MASP1: variants seen among roughly 807,000 people sequenced by gnomAD.
MASP1 encodes MBL associated serine protease 1, also known as mannan-binding lectin serine protease 1.
Under a neutral mutation model 77.1 loss-of-function variants are expected in MASP1, and 59 were observed. The observed-to-expected ratio is 0.77, with a 90% confidence interval of 0.62 to 0.95. The LOEUF is 0.95. Ranked by LOEUF, MASP1 falls within the 40% of genes least tolerant of loss-of-function variation. MASP1 has a pLI of 0.00. For missense variants in MASP1, 885 were observed against 912.9 expected (o/e 0.97, Z 0.39); for synonymous variants, 362 against 354.5 (o/e 1.02, Z -0.24).
exon 16 of MASP1, chr3:187,220,027 A>G: frequency 5.6e-6 from 9 of 1,601,560 alleles, no homozygotes; most frequent in Non-Finnish European, 7.7e-6. Flanking sequence ...GTCCTCTGCT[A>G]CTGACTGCCC....
At chr3:187,224,148 T>G (rs989287420) in intron 13 of MASP1, among the ~76,000 whole-genome samples, 4 of 152,130 alleles carry the variant, frequency 2.6e-5, no homozygotes, top group Admixed American at 2.6e-4. Context: ...GAAATTAGAA[T>G]GAAAAGGAAG....
intron 5 of MASP1, 22 bp downstream of exon 5, chr3:187,256,642 C>G (rs775810792): frequency 2.3e-5 from 37 of 1,612,890 alleles, no homozygotes; most frequent in Non-Finnish European, 3.1e-5. Flanking sequence ...ATCTCCAGGA[C>G]AAGTGTTCAT....
chr3:187,286,603 C>T (rs534753955), intron 1 of MASP1, among the ~76,000 whole-genome samples: 17 of 152,320 alleles, frequency 1.1e-4, no homozygotes, highest in Admixed American at 2.6e-4. Context: ...GGATCAAAAA[C>T]CTACAACTTA....
chr3:187,276,978 G>C (rs1579574153), intron 2 of MASP1, among the ~76,000 whole-genome samples: 2 of 152,152 alleles, frequency 1.3e-5, no homozygotes, highest in East Asian at 3.9e-4. Flanking sequence ...TTAGGGGTCA[G>C]AAGAGTCCCA....
At chr3:187,230,895 C>T (rs1361650522), downstream of MASP1, among the ~76,000 whole-genome samples, 1 of 152,226 alleles carries the variant, frequency 6.6e-6, no homozygotes, top group African/African-American at 2.4e-5. Flanking sequence ...AATTATGTGG[C>T]TTCCCAGAAC....
chr3:187,241,674 T>A, intron 9 of MASP1, 119 bp from the exon 10 acceptor site: 1 of 721,646 alleles, frequency 1.4e-6, no homozygotes, highest in Non-Finnish European at 2.6e-6. Flanking sequence ...CTCCAAATGG[T>A]CATCTAGGCT....
chr3:187,259,779 A>C (rs904363121), intron 4 of MASP1, among the ~76,000 whole-genome samples: 5 of 152,170 alleles, frequency 3.3e-5, no homozygotes, highest in Admixed American at 3.3e-4. Context: ...TTGAAGGAGG[A>C]AGAAAAAAAC....
intron 7 of MASP1, 68 bp downstream of exon 7, chr3:187,251,566 T>C (rs1160611879): frequency 7.8e-7 from 1 of 1,279,798 alleles, no homozygotes; most frequent in Non-Finnish European, 1.1e-6. Flanking sequence ...CCATCTGCCC[T>C]GGGGAGGGGC....
In MASP1 at chr3:187,281,035, C is replaced by A. The variant is rs72549271; in HGVS notation, c.237+4790G>T. Among the ~76,000 whole-genome samples, 199 of 152,340 alleles carry A rather than the reference C, an allele frequency of 1.3e-3. 1 individual carries two copies. Among genetic ancestry groups the A allele is most frequent in the Middle Eastern group, 0.01 (3 of 294 alleles). ...AATGAGTATAGAATGACACCCAGGA[C>A]CCAGGCTGCCTGACTCCCTGACTAG... is the stretch of plus-strand genomic sequence containing the variant. On this transcript the variant is annotated intron_variant, in intron 2 of 10. Transcript: ENST00000296280.
chr3:187,222,019 G>A (rs1221481899), intron 14 of MASP1, among the ~76,000 whole-genome samples: 3 of 152,190 alleles, frequency 2.0e-5, no homozygotes. Context: ...CCCTTGCTGG[G>A]AGGAAACCAG....
intron 15 of MASP1, among the ~76,000 whole-genome samples, chr3:187,220,679 G>C (rs1712005619): frequency 6.6e-6 from 1 of 151,698 alleles, no homozygotes. Context: ...TGTATTTTTA[G>C]TAAAGATGGG....
chr3:187,241,545 G>A lies in MASP1; in HGVS notation c.1239C>T (p.Thr413=), dbSNP rs775693487. The change falls in exon 10 of 11, where the codon ACC becomes ACT. Residue 413 remains threonine, a synonymous_variant. Transcript: ENST00000296280. Reference sequence around the variant, plus strand: ...TCATCCAGACTCCTTGGGCAGAACAGGTATATATACCTGGATTAGTGAAAG... The same window carrying A: ...TCATCCAGACTCCTTGGGCAGAACAAGTATATATACCTGGATTAGTGAAAG... ...KMLNNNTGIY[T]CSAQGVWMNK... 1 of 1,612,656 alleles carries A rather than the reference G, an allele frequency of 6.2e-7. No individual in the cohort carries two copies. The highest frequency in any genetic ancestry group is 1.1e-5 in the South Asian group (1 of 91,022).
chr3:187,259,756 CAAATAGCAGGTTTTGAAGGAGGAAG>C (rs1715398817), intron 4 of MASP1, among the ~76,000 whole-genome samples: 1 of 152,162 alleles, frequency 6.6e-6, no homozygotes, highest in Admixed American at 6.5e-5. Flanking sequence ...TATTCAGAAG[CAAATAGCAGGTTTTGAAGGAGGAAG>C]AAAAAAACTT....
chr3:187,272,627 C>T (rs1716616397), intron 2 of MASP1, among the ~76,000 whole-genome samples: 1 of 152,054 alleles, frequency 6.6e-6, no homozygotes, highest in South Asian at 2.1e-4. Flanking sequence ...AAGACAGAGG[C>T]AGAGATTAGA....
chr3:187,246,376 T>G, intron 8 of MASP1: 1 of 985,448 alleles, frequency 1.0e-6, no homozygotes, highest in Non-Finnish European at 1.2e-6. Flanking sequence ...TAAAGACATT[T>G]ATTCAACTGA....
At chr3:187,242,962 G>A (rs531275927) in intron 9 of MASP1, 8 of 196,948 alleles carry the variant, frequency 4.1e-5, no homozygotes, top group South Asian at 2.0e-4. Flanking sequence ...ACCCCTGTCC[G>A]TACCAGGGGA....
intron 2 of MASP1, among the ~76,000 whole-genome samples, chr3:187,274,195 G>A (rs1579568155): frequency 6.6e-6 from 1 of 151,228 alleles, no homozygotes; most frequent in Admixed American, 6.6e-5. Flanking sequence ...GTGACAGAGC[G>A]AGACTCCATA....
intron 4 of MASP1, among the ~76,000 whole-genome samples, chr3:187,257,076 C>T (rs1715151251): frequency 6.6e-6 from 1 of 151,998 alleles, no homozygotes; most frequent in Non-Finnish European, 1.5e-5. Context: ...ATTGTCTGTC[C>T]AGGGCTGTTT....
chr3:187,290,667 G>A (rs1718238263), intron 1 of MASP1, among the ~76,000 whole-genome samples: 1 of 152,154 alleles, frequency 6.6e-6, no homozygotes, highest in Admixed American at 6.5e-5. Context: ...CAGAAAAGTT[G>A]CTAGGTTACT....
Sources: gnomAD v4.1 joint callset for allele counts (sites outside exome capture counted in the v4.1 genomes callset) on GRCh38, gnomAD v4.1.1 for gene constraint, MANE v1.5 for transcripts, NCBI Gene and HGNC (gene_info 2026-07-23, HGNC 2026-07-21) for gene names.